The following UST variants were observed in gnomAD, a reference collection of about 807,000 sequenced individuals.
UST encodes the protein uronyl 2-sulfotransferase.
In UST, 21 loss-of-function variants were observed where a neutral mutation model predicts 45.6. The observed-to-expected ratio is 0.46, with a 90% CI of 0.33 to 0.66. The LOEUF is 0.66. Among genes scored for constraint, UST ranks in the 30% least tolerant of loss-of-function variants. The pLI is 0.02. For missense variants in UST, 463 were observed against 512.4 expected, an observed-to-expected ratio of 0.90 and a Z score of 0.93; for synonymous variants, 215 against 200.6, an observed-to-expected ratio of 1.07 and a Z score of -0.61.
chr6:148,781,452 G>C (rs1776642791), intron 1 of UST, among the ~76,000 whole-genome samples: 1 of 152,192 alleles, frequency 6.6e-6, no homozygotes, highest in African/African-American at 2.4e-5. Flanking sequence ...AGAAAAGTTG[G>C]AAGCTACCAG....
chr6:148,953,553 C>T (rs879894634), intron 3 of UST, among the ~76,000 whole-genome samples: 4 of 152,036 alleles, frequency 2.6e-5, no homozygotes, highest in East Asian at 1.9e-4. Context: ...GAGGCCGAGG[C>T]GGGCGGATCA....
chr6:148,879,391 A>G (rs1291118837), intron 1 of UST, among the ~76,000 whole-genome samples: 2 of 152,212 alleles, frequency 1.3e-5, no homozygotes, highest in Non-Finnish European at 2.9e-5. Flanking sequence ...TTACTTCTGG[A>G]AAGTGGGATT....
chr6:149,019,929 A>G (rs1403473797), intron 6 of UST, among the ~76,000 whole-genome samples: 1 of 152,200 alleles, frequency 6.6e-6, no homozygotes, highest in African/African-American at 2.4e-5. Context: ...TGGCGTAGCT[A>G]TAGTTGAAAT....
chr6:148,829,429 T>C (rs953639298), intron 1 of UST, among the ~76,000 whole-genome samples: 4 of 152,190 alleles, frequency 2.6e-5, no homozygotes, highest in Admixed American at 2.0e-4. Context: ...GTGAGCATCA[T>C]TGTGAAGCGG....
intron 1 of UST, among the ~76,000 whole-genome samples, chr6:148,884,995 A>T (rs1373646554): frequency 1.3e-5 from 2 of 152,086 alleles, no homozygotes; most frequent in East Asian, 1.9e-4. Context: ...AATTTGCAGG[A>T]TGGAATTGGA....
intron 1 of UST, among the ~76,000 whole-genome samples, chr6:148,749,711 T>A (rs1377634362): frequency 6.6e-6 from 1 of 152,212 alleles, no homozygotes. Flanking sequence ...ACTTTATATT[T>A]CCAAACAATG....
chr6:148,972,092 T>C (rs534418117), intron 5 of UST, among the ~76,000 whole-genome samples: 7 of 152,268 alleles, frequency 4.6e-5, no homozygotes, highest in Non-Finnish European at 5.9e-5. Flanking sequence ...TGCCGCCTAG[T>C]TAGCAACAGA....
intron 2 of UST, among the ~76,000 whole-genome samples, chr6:148,901,940 G>C (rs995702263): frequency 2.0e-5 from 3 of 152,200 alleles, no homozygotes; most frequent in African/African-American, 7.2e-5. Context: ...CTGCAAGATA[G>C]AGCATATGAA....
intron 6 of UST, among the ~76,000 whole-genome samples, chr6:149,020,582 G>T (rs1297496160): frequency 6.6e-6 from 1 of 152,120 alleles, no homozygotes; most frequent in Non-Finnish European, 1.5e-5. Context: ...ACCTTGCACA[G>T]TCTTTACAAC....
At chr6:148,922,304 A>C (rs1278212862) in intron 2 of UST, among the ~76,000 whole-genome samples, 3 of 151,388 alleles carry the variant, frequency 2.0e-5, no homozygotes, top group Non-Finnish European at 4.4e-5. Context: ...TGTCTCTATG[A>C]TTTTGCCTAC....
chr6:148,982,503 C>T (rs1208118938), intron 5 of UST, among the ~76,000 whole-genome samples: 1 of 152,166 alleles, frequency 6.6e-6, no homozygotes, highest in East Asian at 1.9e-4. Context: ...ACATTGGCAA[C>T]ACCTGAGTTC....
Position 148,747,565 on chromosome 6 carries a change from C to G in UST, c.135C>G (p.Leu45=). 6.3e-7 allele frequency: 1 copy of G among 1,582,014 alleles called. No individual in the cohort carries two copies. The highest frequency in any genetic ancestry group is 8.6e-7 in the Non-Finnish European group (1 of 1,165,882). ...VPLLPFLRFS[L]RDYGFCMATL... Reference sequence around the variant, plus strand: ...TGCTGCCTTTCCTGCGCTTCTCCCTCCGGGACTACGGCTTCTGCATGGCCA... The same window carrying G: ...TGCTGCCTTTCCTGCGCTTCTCCCTGCGGGACTACGGCTTCTGCATGGCCA... Residue 45 remains leucine, a synonymous_variant, in exon 1 of 8, where the codon CTC becomes CTG. Transcript: ENST00000367463.
At chr6:148,994,135 A>AT (rs1277274559) in intron 5 of UST, among the ~76,000 whole-genome samples, 3 of 151,128 alleles carry the variant, frequency 2.0e-5, no homozygotes, top group Admixed American at 6.6e-5. Context: ...ACGCTGGCTA[A>AT]TTTTTTTTGT....
intron 5 of UST, among the ~76,000 whole-genome samples, chr6:148,995,155 G>C (rs9404012): frequency 0.6 from 90,547 of 151,842 alleles, 27,383 homozygotes; most frequent in Non-Finnish European, 0.66. Context: ...TTCCCAAGTA[G>C]CTGGAATTAT....
intron 1 of UST, among the ~76,000 whole-genome samples, chr6:148,777,637 C>T (rs977703723): frequency 2.6e-5 from 4 of 152,164 alleles, no homozygotes; most frequent in African/African-American, 4.8e-5. Flanking sequence ...CTACGCATCC[C>T]GGGTTCCAGT....
In UST at chr6:148,881,193, G is replaced by A. The variant is rs6901883; in HGVS notation, c.248-5793G>A. ...GTCAAAGCCACCTTTTGTCTCCTCC[G>A]CTTACCTGAGGGGCCTGGTTAAGCT... On this transcript the variant is annotated intron_variant, in intron 1 of 7. Coordinates refer to ENST00000367463, the MANE Select transcript of UST (RefSeq NM_005715.3). 3.2e-3 allele frequency among the ~76,000 whole-genome samples: 480 copies of A among 152,244 alleles called. 4 individuals are homozygous for A. Among genetic ancestry groups the A allele is most frequent in the African/African-American group, 0.011 (455 of 41,536 alleles).
chr6:148,976,530 C>A (rs955781150), intron 5 of UST, among the ~76,000 whole-genome samples: 1 of 152,322 alleles, frequency 6.6e-6, no homozygotes, highest in East Asian at 1.9e-4. Context: ...GTGCATCATT[C>A]AATTCCTCCG....
chr6:148,807,040 G>A (rs1777164259), intron 1 of UST, among the ~76,000 whole-genome samples: 1 of 152,156 alleles, frequency 6.6e-6, no homozygotes, highest in Non-Finnish European at 1.5e-5. Flanking sequence ...TTCCTTTTAT[G>A]TCTCTCTTAA....
At chr6:148,777,588 A>G (rs990592460) in intron 1 of UST, among the ~76,000 whole-genome samples, 2 of 152,220 alleles carry the variant, frequency 1.3e-5, no homozygotes, top group Non-Finnish European at 2.9e-5. Context: ...TCTGTCACCC[A>G]GGCTGGAGTG....
Sources: gnomAD v4.1 joint callset for allele counts (sites outside exome capture counted in the v4.1 genomes callset) on GRCh38, gnomAD v4.1.1 for gene constraint, MANE v1.5 for transcripts, NCBI Gene and HGNC (gene_info 2026-07-23, HGNC 2026-07-21) for gene names.